The following GABRB3 variants were observed in gnomAD, a reference collection of about 807,000 sequenced individuals.
GABRB3 encodes the protein gamma-aminobutyric acid receptor subunit beta-3.
In GABRB3, 14 loss-of-function variants were observed where a neutral mutation model predicts 52.1. The observed-to-expected ratio is 0.27, with a 90% CI of 0.18 to 0.42. GABRB3 has a LOEUF of 0.42. Among genes scored for constraint, GABRB3 ranks in the 10% least tolerant of loss-of-function variants. GABRB3 has a pLI of 1.00. For synonymous variants in GABRB3, 260 were observed against 232.3 expected (o/e 1.12, Z -1.08); for missense variants, 307 against 609.1 (o/e 0.50, Z 5.22).
chr15:26,769,054 G>C (rs1891073092), intron 3 of GABRB3, among the ~76,000 whole-genome samples: 1 of 152,070 alleles, frequency 6.6e-6, no homozygotes, highest in Non-Finnish European at 1.5e-5. Context: ...ATCTACACAG[G>C]CTACCAGTAG....
intron 3 of GABRB3, among the ~76,000 whole-genome samples, chr15:26,760,859 TAATA>T (rs1890803197): frequency 7.1e-6 from 1 of 140,212 alleles, no homozygotes; most frequent in Admixed American, 6.9e-5. Flanking sequence ...CACAATTAAT[TAATA>T]TTTTTGAATC....
chr15:26,547,930 G>A lies in GABRB3; in HGVS notation c.1285C>T (p.Arg429Trp), dbSNP rs1432656203. The change falls in exon 9 of 9, where the codon CGG (arginine) becomes TGG (tryptophan). Residue 429 changes from arginine to tryptophan, a missense_variant. Around this residue, in one of 6 missense-constraint regions of GABRB3, gnomAD observed 115 missense variants for 166.9 expected, o/e 0.69. Coordinates refer to ENST00000311550, the MANE Select transcript of GABRB3 (RefSeq NM_000814.6). ...RSLPHKKTHL[R>W]RRSSQLKIKI... ...ATTTTGAGCTGTGAAGACCTCCTCC[G>A]TAGATGGGTCTTCTTGTGCGGGAGG... is the stretch of plus-strand genomic sequence containing the variant. The A allele has an allele frequency of 1.2e-6, 2 of 1,614,076 alleles. No homozygotes were observed. Among genetic ancestry groups the A allele is most frequent in the South Asian group, 1.1e-5 (1 of 91,084 alleles).
intron 3 of GABRB3, among the ~76,000 whole-genome samples, chr15:26,660,454 TAGAGG>T (rs752264501): frequency 1.6e-4 from 24 of 152,122 alleles, no homozygotes; most frequent in Non-Finnish European, 1.8e-4. Flanking sequence ...CTTCTATATA[TAGAGG>T]ATAAATACAT....
At position 26,591,307 on chromosome 15, in the gene GABRB3, G is replaced by A. The variant is rs374139972; in HGVS notation, c.462-7893C>T. Among the ~76,000 whole-genome samples the A allele has an allele frequency of 1.2e-4, 19 of 152,240 alleles. No homozygotes were observed. The South Asian group carries it at 2.5e-3, about 20-fold the overall frequency. On this transcript the variant is annotated intron_variant, in intron 4 of 8. Transcript: ENST00000311550. ...ATACAGAAGCATAAATTCTCTTATC[G>A]CTACGTAGGGATCACAACCTGATAC...
intron 3 of GABRB3, among the ~76,000 whole-genome samples, chr15:26,667,309 T>G (rs573364098): frequency 6.6e-6 from 1 of 152,218 alleles, no homozygotes; most frequent in Admixed American, 6.5e-5. Context: ...ATGTTGGCAG[T>G]GGAGTTTTCT....
intron 3 of GABRB3, among the ~76,000 whole-genome samples, chr15:26,697,719 A>G (rs989046451): frequency 3.3e-5 from 5 of 152,102 alleles, no homozygotes; most frequent in Admixed American, 3.3e-4. Context: ...ATATCTCTTT[A>G]TATCCCCCTC....
At chr15:26,599,566 G>A (rs981462110) in intron 4 of GABRB3, among the ~76,000 whole-genome samples, 1 of 152,222 alleles carries the variant, frequency 6.6e-6, no homozygotes, top group African/African-American at 2.4e-5. Context: ...AGAGAGTAGA[G>A]CACAGTCAGC....
intron 4 of GABRB3, among the ~76,000 whole-genome samples, chr15:26,609,885 A>C (rs1566772667): frequency 6.6e-6 from 1 of 152,172 alleles, no homozygotes; most frequent in Non-Finnish European, 1.5e-5. Context: ...TGTCCCATAG[A>C]ACTGTTGTTG....
intron 4 of GABRB3, among the ~76,000 whole-genome samples, chr15:26,605,684 C>T (rs1891761376): frequency 6.6e-6 from 1 of 152,166 alleles, no homozygotes; most frequent in Non-Finnish European, 1.5e-5. Context: ...GAAAGACAAA[C>T]ATCACATGTT....
chr15:26,641,294 A>G (rs1893194058), intron 3 of GABRB3, among the ~76,000 whole-genome samples: 1 of 152,244 alleles, frequency 6.6e-6, no homozygotes, highest in African/African-American at 2.4e-5. Flanking sequence ...GCTGCATGCT[A>G]CGACTTCCCA....
intron 3 of GABRB3, among the ~76,000 whole-genome samples, chr15:26,728,204 C>T (rs974854250): frequency 2.0e-5 from 3 of 152,178 alleles, no homozygotes; most frequent in African/African-American, 7.2e-5. Flanking sequence ...AGGTGAGGCT[C>T]ACAACTGTAT....
At chr15:26,765,079 G>A (rs552224444) in intron 3 of GABRB3, among the ~76,000 whole-genome samples, 1 of 135,848 alleles carries the variant, frequency 7.4e-6, no homozygotes, top group Non-Finnish European at 1.5e-5. Flanking sequence ...GCAGTGAGCC[G>A]ACATCACGCC....
At chr15:26,662,915 A>G (rs761742714) in intron 3 of GABRB3, among the ~76,000 whole-genome samples, 2 of 152,248 alleles carry the variant, frequency 1.3e-5, no homozygotes, top group South Asian at 2.1e-4. Flanking sequence ...AATGTTTAAA[A>G]GCCCAGGATG....
chr15:26,772,144 G>C (rs1353871610), intron 3 of GABRB3: 21 of 401,702 alleles, frequency 5.2e-5, no homozygotes, highest in Non-Finnish European at 9.2e-5. Flanking sequence ...CGGCAGATGG[G>C]AGCACTAGGC....
intron 3 of GABRB3, among the ~76,000 whole-genome samples, chr15:26,659,511 G>C (rs1566794217): frequency 6.6e-6 from 1 of 152,134 alleles, no homozygotes; most frequent in Admixed American, 6.6e-5. Flanking sequence ...GACAGAGAGA[G>C]ACTCTGGCTC....
At chr15:26,732,923 G>A (rs4303459) in intron 3 of GABRB3, among the ~76,000 whole-genome samples, 95,186 of 151,446 alleles carry the variant, frequency 0.63, 30,315 homozygotes, top group East Asian at 0.89. Context: ...CCTTGAGCCC[G>A]GGAGTTTGAG....
At chr15:26,573,838 C>T (rs1174875647) in intron 6 of GABRB3, among the ~76,000 whole-genome samples, 3 of 151,998 alleles carry the variant, frequency 2.0e-5, no homozygotes, top group African/African-American at 4.8e-5. Context: ...TTGCTTGAAC[C>T]CAGGAGTTCA....
At chr15:26,670,276 T>G (rs951685955) in intron 3 of GABRB3, among the ~76,000 whole-genome samples, 1 of 149,278 alleles carries the variant, frequency 6.7e-6, no homozygotes, top group Non-Finnish European at 1.5e-5. Context: ...GCGGGAGAGG[T>G]AAGGGTAGGC....
rs569881990 is a variant in GABRB3, at chr15:26,689,586, C to T, written c.241-68052G>A. On this transcript the variant is annotated intron_variant, in intron 3 of 8. Coordinates refer to ENST00000311550, the MANE Select transcript of GABRB3 (RefSeq NM_000814.6). ...GGGACCCATGTTCAAAAACTGGTGG[C>T]GTTAGCATGACCCCAGAGTGGAGTT... Among the ~76,000 whole-genome samples the T allele has an allele frequency of 4.6e-5, 7 of 152,216 alleles. No individual in the cohort carries two copies. In the South Asian group the frequency reaches 1.5e-3, roughly 32 times the overall value.
Sources: gnomAD v4.1 joint callset for allele counts (sites outside exome capture counted in the v4.1 genomes callset) on GRCh38, gnomAD v4.1.1 for gene constraint, gnomAD v4.1.1 regional missense constraint, MANE v1.5 for transcripts, NCBI Gene and HGNC (gene_info 2026-07-23, HGNC 2026-07-21) for gene names.